Variants in RARRES1 observed in about 807,000 individuals in gnomAD.
RARRES1 encodes retinoic acid receptor responder protein 1.
RARRES1 carries 34 observed loss-of-function variants against 30.6 expected under a neutral mutation model. The observed-to-expected ratio is 1.11, with a 90% CI of 0.84 to 1.48. The LOEUF (loss-of-function observed/expected upper bound fraction) is 1.48. Among genes scored for constraint, RARRES1 ranks in the 40% most tolerant of loss-of-function variants. The pLI, the probability that RARRES1 is intolerant of heterozygous loss-of-function variation, is 0.00. For missense variants in RARRES1, 373 were observed against 386.5 expected, an observed-to-expected ratio of 0.97 and a Z score of 0.29; for synonymous variants, 153 against 155.5, an observed-to-expected ratio of 0.98 and a Z score of 0.12.
chr3:158,704,622 C>A (rs962799230), intron 4 of RARRES1, 169 bp downstream of exon 4: 3 of 1,097,614 alleles, frequency 2.7e-6, no homozygotes, highest in Non-Finnish European at 3.7e-6. Context: ...ACGACTGTAT[C>A]CCCAGCCCCT....
chr3:158,713,931 CTT>C (rs1462360025), intron 1 of RARRES1, 72 bp from the exon 2 acceptor site: 1 of 1,347,790 alleles, frequency 7.4e-7, no homozygotes, highest in East Asian at 2.3e-5. Flanking sequence ...GAATCACACT[CTT>C]AGGATAACAT....
chr3:158,726,432 C>G (rs1012117134), intron 1 of RARRES1, among the ~76,000 whole-genome samples: 1 of 152,222 alleles, frequency 6.6e-6, no homozygotes, highest in Non-Finnish European at 1.5e-5. Flanking sequence ...GTGGACTGAA[C>G]CCCCGAGCAC....
intron 1 of RARRES1, among the ~76,000 whole-genome samples, chr3:158,730,156 C>G (rs1023809651): frequency 2.6e-5 from 4 of 151,784 alleles, no homozygotes; most frequent in African/African-American, 9.7e-5. Flanking sequence ...CCTGTCTCTA[C>G]TAGAAATAGA....
chr3:158,706,282 G>A (rs184864250), intron 3 of RARRES1, among the ~76,000 whole-genome samples: 19 of 152,298 alleles, frequency 1.2e-4, no homozygotes, highest in Admixed American at 3.3e-4. Flanking sequence ...AGAAAGCTGA[G>A]GGACAGCAGG....
chr3:158,727,266 C>T (rs1363362284), intron 1 of RARRES1, among the ~76,000 whole-genome samples: 1 of 152,214 alleles, frequency 6.6e-6, no homozygotes, highest in African/African-American at 2.4e-5. Flanking sequence ...TAAATGTACA[C>T]TTACAGATTT....
chr3:158,720,273 T>A (rs200489735), intron 1 of RARRES1, among the ~76,000 whole-genome samples: 2,250 of 144,512 alleles, frequency 0.016, 45 homozygotes, highest in African/African-American at 0.054. Context: ...TGTATGTGTG[T>A]GAGAGAGAGA....
rs1314133707 is a variant in RARRES1 at position 158,701,967 on chromosome 3, CA to C, written c.672+2823del. Among the ~76,000 whole-genome samples, 5 of 151,898 alleles carry C rather than the reference CA, an allele frequency of 3.3e-5. No individual in the cohort carries two copies. The East Asian group carries it at 9.7e-4, about 29-fold the overall frequency. On this transcript the variant is annotated intron_variant, in intron 4 of 5. Transcript: ENST00000237696. ...TTATTTATCTAACACCCAGACATCG[CA>C]GGGGGAAAAAAAAATCTAAAACTCT...
intron 2 of RARRES1, 82 bp downstream of exon 2, chr3:158,713,715 A>G: frequency 7.6e-7 from 1 of 1,323,254 alleles, no homozygotes. Flanking sequence ...CCAGATCACT[A>G]TATATTAAGA....
At chr3:158,712,694 C>CTTTCAT (rs1727176955) in intron 2 of RARRES1, among the ~76,000 whole-genome samples, 2 of 152,142 alleles carry the variant, frequency 1.3e-5, no homozygotes, top group African/African-American at 4.8e-5. Flanking sequence ...GTACTGCCCC[C>CTTTCAT]TTTCATTTTC....
At chr3:158,705,302 CCA>C (rs1726882818) in intron 3 of RARRES1, among the ~76,000 whole-genome samples, 1 of 152,198 alleles carries the variant, frequency 6.6e-6, no homozygotes, top group Non-Finnish European at 1.5e-5. Flanking sequence ...GAGACCACAG[CCA>C]CAGTCTGCTA....
At chr3:158,712,377 C>A (rs969846661) in intron 2 of RARRES1, among the ~76,000 whole-genome samples, 1 of 152,012 alleles carries the variant, frequency 6.6e-6, no homozygotes, top group Non-Finnish European at 1.5e-5. Flanking sequence ...GAGAGCAAGA[C>A]CCTGCCTCAA....
rs758860002 is a variant in RARRES1 at position 158,701,973 on chromosome 3, GA to G, written c.672+2817del. On this transcript the variant is annotated intron_variant, in intron 4 of 5. Transcript: ENST00000237696. ...ATCTAACACCCAGACATCGCAGGGG[GA>G]AAAAAAAATCTAAAACTCTTAGTCA... Among the ~76,000 whole-genome samples the G allele has an allele frequency of 5.0e-4, 76 of 151,072 alleles. No individual in the cohort carries two copies. In the South Asian group the frequency reaches 0.012, roughly 24 times the overall value.
At chr3:158,711,832 G>C (rs1394835188) in intron 2 of RARRES1, among the ~76,000 whole-genome samples, 3 of 152,110 alleles carry the variant, frequency 2.0e-5, no homozygotes, top group Non-Finnish European at 4.4e-5. Flanking sequence ...CTGACCTCGT[G>C]ATCTGCCTGC....
Position 158,697,786 on chromosome 3 carries a change from G to T in RARRES1, c.777C>A (p.Gly259=). 8 of 1,611,430 alleles carry T rather than the reference G, an allele frequency of 5.0e-6. No homozygotes were observed. Among genetic ancestry groups the T allele is most frequent in the Non-Finnish European group, 6.8e-6 (8 of 1,177,586 alleles). The change falls in exon 6 of 6, where the codon GGC becomes GGA. Residue 259 remains glycine, a synonymous_variant. Transcript: ENST00000237696. Reference sequence around the variant, plus strand: ...AGTGGTACTTCACTTTAAGAGGTTTGCCAGGGTACCAGACCAAGTGAATGC... The same window carrying T: ...AGTGGTACTTCACTTTAAGAGGTTTTCCAGGGTACCAGACCAAGTGAATGC... ...PCRIHLVWYP[G]KPLKVKYHCQ... is the part of the protein sequence containing the mutation.
intron 3 of RARRES1, 38 bp from the exon 4 acceptor site, chr3:158,704,965 T>C: frequency 6.3e-7 from 1 of 1,583,244 alleles, no homozygotes; most frequent in Non-Finnish European, 8.6e-7. Flanking sequence ...TATTAATGCA[T>C]TTTTGAGACA....
At chr3:158,718,256 G>T (rs1052548886) in intron 1 of RARRES1, among the ~76,000 whole-genome samples, 1 of 152,118 alleles carries the variant, frequency 6.6e-6, no homozygotes, top group East Asian at 1.9e-4. Context: ...GGGATTACAG[G>T]TGTGAGCCAC....
intron 1 of RARRES1, among the ~76,000 whole-genome samples, chr3:158,722,361 G>T (rs566535204): frequency 6.6e-6 from 1 of 152,258 alleles, no homozygotes; most frequent in East Asian, 1.9e-4. Context: ...TCCAGTAGGT[G>T]TCTGCACTAT....
chr3:158,699,379 A>G (rs1227820013), intron 4 of RARRES1, among the ~76,000 whole-genome samples: 1 of 150,982 alleles, frequency 6.6e-6, no homozygotes, highest in African/African-American at 2.4e-5. Context: ...TTAAACTTGT[A>G]TTTTCGTTAC....
intron 1 of RARRES1, among the ~76,000 whole-genome samples, chr3:158,725,207 G>A (rs939037207): frequency 3.9e-5 from 6 of 152,146 alleles, no homozygotes; most frequent in African/African-American, 1.4e-4. Context: ...ATTTGTTATG[G>A]CTACTGTCTC....
Sources: allele counts gnomAD v4.1 joint callset (sites outside exome capture counted in the v4.1 genomes callset), GRCh38; gene constraint gnomAD v4.1.1; transcripts MANE v1.5; gene names NCBI Gene and HGNC (gene_info 2026-07-23, HGNC 2026-07-21).